The following PDE1C variants were observed in gnomAD, a reference collection of about 807,000 sequenced individuals.
PDE1C encodes dual specificity calcium/calmodulin-dependent 3',5'-cyclic nucleotide phosphodiesterase 1C.
PDE1C carries 62 observed loss-of-function variants against 93.1 expected under a neutral mutation model. The ratio of observed to expected loss-of-function variants is 0.67; its 90% CI spans 0.54 to 0.82. The LOEUF is 0.82. Among genes scored for constraint, PDE1C ranks in the 40% least tolerant of loss-of-function variants. PDE1C has a pLI of 0.00. For missense variants in PDE1C, 742 were observed against 884.6 expected (o/e 0.84, Z 2.04); for synonymous variants, 325 against 310.1 (o/e 1.05, Z -0.50).
chr7:32,365,784 C>T (rs1784219734), intron 1 of PDE1C, among the ~76,000 whole-genome samples: 2 of 152,166 alleles, frequency 1.3e-5, no homozygotes, highest in South Asian at 4.1e-4. Flanking sequence ...CACACCACTG[C>T]TACCAGAAAA....
At chr7:32,297,726 T>G (rs189777820) in intron 1 of PDE1C, among the ~76,000 whole-genome samples, 1 of 152,218 alleles carries the variant, frequency 6.6e-6, no homozygotes, top group Admixed American at 6.5e-5. Context: ...CAGGAGCCAC[T>G]GGGAGTCCCA....
chr7:32,330,592 C>G (rs1783493845), intron 1 of PDE1C, among the ~76,000 whole-genome samples: 1 of 152,248 alleles, frequency 6.6e-6, no homozygotes, highest in Non-Finnish European at 1.5e-5. Context: ...ATTTGGATCT[C>G]TAACTCCCTT....
At chr7:32,365,529 C>T (rs1784213778) in intron 1 of PDE1C, among the ~76,000 whole-genome samples, 1 of 152,164 alleles carries the variant, frequency 6.6e-6, no homozygotes, top group Non-Finnish European at 1.5e-5. Flanking sequence ...GCAACCATAT[C>T]CTGAGCCTAA....
At chr7:31,627,727 A>ATGG in the PDE1C span, among the ~76,000 whole-genome samples, 2 of 151,728 alleles carry the variant, frequency 1.3e-5, no homozygotes, top group Non-Finnish European at 2.9e-5. Context: ...ACTTGACAGA[A>ATGG]TGGAAAGCAG....
At chr7:32,377,582 G>C (rs553979713) in intron 1 of PDE1C, among the ~76,000 whole-genome samples, 95 of 152,262 alleles carry the variant, frequency 6.2e-4, no homozygotes, top group Non-Finnish European at 6.5e-4. Context: ...AATAATAGCT[G>C]AGGCATAAAT....
At chr7:31,812,904 A>T (rs1787726908) in intron 15 of PDE1C, among the ~76,000 whole-genome samples, 1 of 152,064 alleles carries the variant, frequency 6.6e-6, no homozygotes, top group Non-Finnish European at 1.5e-5. Context: ...TCAGAGTTTA[A>T]CCTGAGATCT....
At chr7:31,699,991 C>T in the PDE1C span, among the ~76,000 whole-genome samples, 7 of 152,002 alleles carry the variant, frequency 4.6e-5, no homozygotes, top group South Asian at 4.2e-4. Flanking sequence ...CCCTATTCCA[C>T]GAGACACAAA....
chr7:31,818,948 C>T (rs183152533), intron 14 of PDE1C, among the ~76,000 whole-genome samples: 10 of 152,228 alleles, frequency 6.6e-5, no homozygotes, highest in Admixed American at 1.3e-4. Context: ...AGACCAATTT[C>T]CCATGGGAAA....
At chr7:31,881,365 G>A (rs1797229946) in intron 2 of PDE1C, among the ~76,000 whole-genome samples, 1 of 152,048 alleles carries the variant, frequency 6.6e-6, no homozygotes, top group South Asian at 2.1e-4. Flanking sequence ...AAAGTAAATT[G>A]TTTTACTGGA....
Position 31,960,698 on chromosome 7 carries a change from T to C in PDE1C, c.129-79838A>G, listed in dbSNP as rs894938166. ...TTAATAAATCTGGGTGAAGAGTGTATAGGAGTTCTTTTTTCTACTCTTGCA... is the reference window on the plus strand; with the variant it reads ...TTAATAAATCTGGGTGAAGAGTGTACAGGAGTTCTTTTTTCTACTCTTGCA... On this transcript the variant is annotated intron_variant, in intron 2 of 17. Transcript: ENST00000396191. 7.2e-5 allele frequency among the ~76,000 whole-genome samples: 11 copies of C among 152,272 alleles called. No homozygotes were observed. The South Asian group carries it at 1.2e-3, about 17-fold the overall frequency.
At chr7:32,304,813 A>G (rs1173525086) in intron 1 of PDE1C, among the ~76,000 whole-genome samples, 1 of 152,162 alleles carries the variant, frequency 6.6e-6, no homozygotes, top group African/African-American at 2.4e-5. Flanking sequence ...GACTCAACCC[A>G]TAGTAAACAT....
At chr7:32,263,350 GGTGTGTGTGTGTGTCTGTGTGTCT>G (rs1031730180) in intron 1 of PDE1C, among the ~76,000 whole-genome samples, 2 of 151,304 alleles carry the variant, frequency 1.3e-5, no homozygotes, top group Non-Finnish European at 3.0e-5. Flanking sequence ...TACATGTGCG[GGTGTGTGTGTGTGTCTGTGTGTCT>G]GTGTGTGTGT....
At chr7:31,781,164 G>A (rs777985354) in intron 16 of PDE1C, among the ~76,000 whole-genome samples, 14 of 152,188 alleles carry the variant, frequency 9.2e-5, no homozygotes, top group East Asian at 3.9e-4. Context: ...CCTAAGACTC[G>A]GGACTTCACA....
chr7:32,343,119 A>C (rs1289266453), intron 1 of PDE1C, among the ~76,000 whole-genome samples: 1 of 152,182 alleles, frequency 6.6e-6, no homozygotes, highest in East Asian at 1.9e-4. Context: ...ACTTGTGGAC[A>C]ATGCAAGGGT....
chr7:32,179,647 A>G (rs552411177), intron 2 of PDE1C, among the ~76,000 whole-genome samples: 1 of 152,296 alleles, frequency 6.6e-6, no homozygotes, highest in African/African-American at 2.4e-5. Flanking sequence ...CTGAGAAAAG[A>G]CAAGAAAGCA....
intron 1 of PDE1C, among the ~76,000 whole-genome samples, chr7:32,356,892 C>T (rs1366353808): frequency 6.6e-6 from 1 of 151,992 alleles, no homozygotes. Context: ...GTTTGAAAAG[C>T]GAGAGTACAG....
At chr7:32,376,293 A>C (rs903033962) in intron 1 of PDE1C, among the ~76,000 whole-genome samples, 2 of 152,268 alleles carry the variant, frequency 1.3e-5, no homozygotes, top group Non-Finnish European at 2.9e-5. Context: ...TCTGCAGTCC[A>C]GCTTTGAAAT....
At chr7:31,995,286 T>A (rs984359675) in intron 2 of PDE1C, among the ~76,000 whole-genome samples, 1 of 152,168 alleles carries the variant, frequency 6.6e-6, no homozygotes, top group Non-Finnish European at 1.5e-5. Context: ...GCAGCCCCTC[T>A]TGGTCAGAGG....
intron 1 of PDE1C, among the ~76,000 whole-genome samples, chr7:32,316,714 G>C (rs1355844131): frequency 1.3e-5 from 2 of 152,202 alleles, no homozygotes; most frequent in African/African-American, 4.8e-5. Flanking sequence ...CAGAGAATCA[G>C]ACAGTCTGTA....
Sources: gnomAD v4.1 joint callset for allele counts (sites outside exome capture counted in the v4.1 genomes callset) on GRCh38, gnomAD v4.1.1 for gene constraint, MANE v1.5 for transcripts, NCBI Gene and HGNC (gene_info 2026-07-23, HGNC 2026-07-21) for gene names.